The following TTC29 variants were observed in gnomAD, a reference collection of about 807,000 sequenced individuals.
The protein encoded by TTC29 is tetratricopeptide repeat protein 29.
In TTC29, 49 loss-of-function variants were observed where a neutral mutation model predicts 58.1. The observed-to-expected ratio is 0.84, with a 90% CI of 0.67 to 1.07. The LOEUF is 1.07. Among genes scored for constraint, TTC29 ranks in the 50% least tolerant of loss-of-function variants. The probability of loss-of-function intolerance (pLI) is 0.00; values close to 1 mark genes in which losing one functional copy is unlikely to be tolerated. For missense variants in TTC29, 582 were observed against 555.6 expected (o/e 1.05, Z -0.48); for synonymous variants, 209 against 196.8 (o/e 1.06, Z -0.52).
At chr4:146,761,174 C>T (rs1746868866) in intron 11 of TTC29, among the ~76,000 whole-genome samples, 1 of 151,736 alleles carries the variant, frequency 6.6e-6, no homozygotes, top group Admixed American at 6.6e-5. Flanking sequence ...CATAAGTCAC[C>T]ACTAAAGAAC....
intron 5 of TTC29, among the ~76,000 whole-genome samples, chr4:146,904,775 T>C (rs1432399481): frequency 6.6e-6 from 1 of 152,098 alleles, no homozygotes; most frequent in African/African-American, 2.4e-5. Flanking sequence ...CCTGAAGAGA[T>C]TACAATTATG....
At chr4:146,799,795 A>G (rs1262506224) in intron 11 of TTC29, among the ~76,000 whole-genome samples, 3 of 152,230 alleles carry the variant, frequency 2.0e-5, no homozygotes, top group African/African-American at 7.2e-5. Flanking sequence ...GGCTATAATT[A>G]CATTTCTAGG....
intron 8 of TTC29, among the ~76,000 whole-genome samples, chr4:146,844,712 A>T (rs1729059692): frequency 1.3e-5 from 2 of 152,120 alleles, no homozygotes; most frequent in African/African-American, 4.8e-5. Context: ...AAGGAAATCC[A>T]TTGGAGATCT....
At chr4:146,915,801 G>C (rs1734184492) in intron 4 of TTC29, among the ~76,000 whole-genome samples, 3 of 151,530 alleles carry the variant, frequency 2.0e-5, no homozygotes, top group Non-Finnish European at 4.4e-5. Context: ...CTGAATTATG[G>C]AATCAAGATG....
chr4:146,763,192 T>C lies in TTC29; in HGVS notation c.1330+40265A>G, dbSNP rs571503405. Reference sequence around the variant, plus strand: ...CCTGTTGCTTGTACTATGCTTCTGATGTTTCCTTTTTTTTCCTTCCCCAAA... The same window carrying C: ...CCTGTTGCTTGTACTATGCTTCTGACGTTTCCTTTTTTTTCCTTCCCCAAA... On this transcript the variant is annotated intron_variant, in intron 11 of 12. Coordinates refer to ENST00000325106, the MANE Select transcript of TTC29 (RefSeq NM_031956.4). Among the ~76,000 whole-genome samples the C allele has an allele frequency of 5.3e-5, 8 of 152,222 alleles. No homozygotes were observed. In the East Asian group the frequency reaches 1.5e-3, roughly 29 times the overall value.
Position 146,921,934 on chromosome 4 carries a change from T to C in TTC29, c.177-12685A>G, listed in dbSNP as rs564020480. On this transcript the variant is annotated intron_variant, in intron 4 of 12. Transcript: ENST00000325106. ...GAATTTTGTAAATTGATACATTTAGTACACATCCATGGATATACATCCATG... is the reference window on the plus strand; with the variant it reads ...GAATTTTGTAAATTGATACATTTAGCACACATCCATGGATATACATCCATG... Among the ~76,000 whole-genome samples the C allele has an allele frequency of 1.1e-3, 156 of 144,006 alleles. 1 individual carries two copies. The highest frequency in any genetic ancestry group is 1.1e-3 in the Non-Finnish European group (72 of 66,578). The allele number at this position is 144,006 out of a possible 152,430, so 94.5% of individuals were successfully genotyped here.
At chr4:146,900,956 CT>C (rs1733106895) in intron 6 of TTC29, among the ~76,000 whole-genome samples, 2 of 152,184 alleles carry the variant, frequency 1.3e-5, no homozygotes, top group South Asian at 4.1e-4. Flanking sequence ...ACTGCAGCCA[CT>C]CTTCAGTTTT....
chr4:146,707,626 A>G, intron 11 of TTC29, 75 bp from the exon 12 acceptor site: 1 of 1,094,614 alleles, frequency 9.1e-7, no homozygotes, highest in Non-Finnish European at 1.3e-6. Context: ...GAACCTGGGA[A>G]TCCCTTTTCA....
At chr4:146,792,648 G>A (rs952178815) in intron 11 of TTC29, among the ~76,000 whole-genome samples, 2 of 152,128 alleles carry the variant, frequency 1.3e-5, no homozygotes, top group African/African-American at 4.8e-5. Context: ...TGACTTCGAA[G>A]TCTTATTATT....
At chr4:146,913,587 A>G (rs1257341250) in intron 4 of TTC29, among the ~76,000 whole-genome samples, 1 of 152,102 alleles carries the variant, frequency 6.6e-6, no homozygotes, top group Non-Finnish European at 1.5e-5. Context: ...AGAGGCAAGC[A>G]ACATAAAGGT....
rs1250774617 is a variant in TTC29 at position 146,874,907 on chromosome 4, T to A, written c.608A>T (p.Glu203Val). The part of the protein sequence containing the change: ...EEDGQLLEAA[E>V]HYEAFHQLTQ... ...CAATTGATGGAATGCTTCATAATGC[T>A]CAGCAGCTTCCAGAAGCTGACCTGG... The change falls in exon 7 of 13, where the codon GAG (glutamate) becomes GTG (valine). Residue 203 changes from glutamate to valine, a missense_variant. By Grantham distance (121) the Glu-to-Val change is moderately radical. Coordinates refer to ENST00000325106, the MANE Select transcript of TTC29 (RefSeq NM_031956.4). The A allele has an allele frequency of 1.9e-6, 3 of 1,613,390 alleles. No individual in the cohort carries two copies. In the South Asian group the frequency reaches 3.3e-5, roughly 18 times the overall value.
In TTC29 at chr4:146,937,827, A is replaced by C. The variant is rs191082587; in HGVS notation, c.93-150T>G. The C allele has an allele frequency of 2.3e-4, 108 of 460,914 alleles. No homozygotes were observed. The East Asian group carries it at 3.8e-3, about 16-fold the overall frequency. The allele number at this position is 460,914 out of a possible 1,614,324, so 28.6% of individuals were successfully genotyped here. A position where few individuals can be genotyped will look rare whatever the true frequency, so the allele number is the denominator to read the frequency against. ...AGCTATAGAGTTAGGTCGTTGGTTG[A>C]TCATTTCAAAATTTTATCTTTCCTG... On this transcript the variant is annotated intron_variant, in intron 3 of 12. Transcript: ENST00000325106.
intron 9 of TTC29, among the ~76,000 whole-genome samples, chr4:146,826,204 T>C (rs748502417): frequency 5.3e-5 from 8 of 152,188 alleles, no homozygotes; most frequent in Non-Finnish European, 1.0e-4. Flanking sequence ...CTTCATAGTG[T>C]CATTGGTCTT....
intron 4 of TTC29, among the ~76,000 whole-genome samples, chr4:146,918,410 A>C (rs1443344309): frequency 6.6e-6 from 1 of 151,150 alleles, no homozygotes; most frequent in Non-Finnish European, 1.5e-5. Context: ...GCCTGATAAG[A>C]ATTCATTTCA....
At chr4:146,936,842 G>A (rs1228754387) in intron 4 of TTC29, among the ~76,000 whole-genome samples, 1 of 151,928 alleles carries the variant, frequency 6.6e-6, no homozygotes, top group Non-Finnish European at 1.5e-5. Context: ...AACATTTGTT[G>A]CATAAAATAT....
chr4:146,937,516 G>A, intron 4 of TTC29, 78 bp downstream of exon 4: 2 of 965,410 alleles, frequency 2.1e-6, no homozygotes, highest in Non-Finnish European at 3.1e-6. Flanking sequence ...TATTACACAG[G>A]AAAATTGAAA....
intron 4 of TTC29, among the ~76,000 whole-genome samples, chr4:146,915,408 C>A (rs532375249): frequency 6.6e-6 from 1 of 152,154 alleles, no homozygotes; most frequent in Admixed American, 6.6e-5. Context: ...AGATCAGTAT[C>A]ATTTTGTGAC....
At chr4:146,724,719 C>T (rs1482595574) in intron 11 of TTC29, among the ~76,000 whole-genome samples, 3 of 151,970 alleles carry the variant, frequency 2.0e-5, no homozygotes, top group South Asian at 2.1e-4. Flanking sequence ...TCACCACGTT[C>T]GCCAGGCTGG....
chr4:146,863,852 T>C (rs139651719), intron 8 of TTC29, among the ~76,000 whole-genome samples: 1 of 152,284 alleles, frequency 6.6e-6, no homozygotes, highest in African/African-American at 2.4e-5. Context: ...TCTGGTCAAG[T>C]AAATTTGCCC....
Sources: gnomAD v4.1 joint callset for allele counts (sites outside exome capture counted in the v4.1 genomes callset) on GRCh38, gnomAD v4.1.1 for gene constraint, MANE v1.5 for transcripts, NCBI Gene and HGNC (gene_info 2026-07-23, HGNC 2026-07-21) for gene names.